LTBP1: variants seen among roughly 807,000 people sequenced by gnomAD.
LTBP1 encodes the protein latent transforming growth factor beta binding protein 1, also known as latent-transforming growth factor beta-binding protein 1.
A neutral mutation model predicts 207.6 loss-of-function variants in LTBP1; 129 were observed. The ratio of observed to expected loss-of-function variants is 0.62; its 90% CI spans 0.54 to 0.72. The LOEUF is 0.72. Among genes scored for constraint, LTBP1 ranks in the 30% least tolerant of loss-of-function variants. The pLI is 0.00. For missense variants in LTBP1, 2,281 were observed against 2,217.2 expected (o/e 1.03, Z -0.58); for synonymous variants, 963 against 833.7 (o/e 1.16, Z -2.67).
chr2:33,359,812 CG>C (rs1428507122), intron 26 of LTBP1, among the ~76,000 whole-genome samples: 5 of 152,152 alleles, frequency 3.3e-5, no homozygotes, highest in Non-Finnish European at 7.3e-5. Flanking sequence ...TCAAAGATTT[CG>C]TATCTGATTG....
chr2:33,324,949 C>T (rs1051724654), intron 24 of LTBP1, among the ~76,000 whole-genome samples: 1 of 152,186 alleles, frequency 6.6e-6, no homozygotes, highest in Non-Finnish European at 1.5e-5. Context: ...TTGTAATCCA[C>T]CCACCTCGGC....
intron 2 of LTBP1, among the ~76,000 whole-genome samples, chr2:33,006,971 C>G (rs1232960377): frequency 6.6e-6 from 1 of 152,234 alleles, no homozygotes; most frequent in Non-Finnish European, 1.5e-5. Context: ...TTTGGCATGT[C>G]AAAGTCTAAT....
chr2:33,321,285 C>A (rs1003992065), intron 24 of LTBP1, among the ~76,000 whole-genome samples: 2 of 152,092 alleles, frequency 1.3e-5, no homozygotes, highest in Non-Finnish European at 2.9e-5. Flanking sequence ...AACCCCATAA[C>A]CTTCTTAGGT....
At chr2:33,208,946 C>G (rs1200554931) in intron 7 of LTBP1, among the ~76,000 whole-genome samples, 1 of 148,212 alleles carries the variant, frequency 6.7e-6, no homozygotes, top group Non-Finnish European at 1.5e-5. Context: ...CGGCTGACTG[C>G]AAGCTCCGCC....
intron 7 of LTBP1, among the ~76,000 whole-genome samples, chr2:33,197,239 T>C (rs2088667813): frequency 6.6e-6 from 1 of 152,248 alleles, no homozygotes; most frequent in Non-Finnish European, 1.5e-5. Flanking sequence ...AGTGGTTTTC[T>C]TGAATATAAA....
At chr2:33,010,693 G>A (rs1175060590) in intron 2 of LTBP1, among the ~76,000 whole-genome samples, 5 of 150,798 alleles carry the variant, frequency 3.3e-5, no homozygotes, top group Non-Finnish European at 7.4e-5. Flanking sequence ...TGTTTTTGAT[G>A]ACTGTATCAC....
chr2:33,063,009 T>C (rs2077340771), intron 3 of LTBP1: 1 of 152,242 alleles, frequency 6.6e-6, no homozygotes, highest in Admixed American at 6.5e-5. Flanking sequence ...GTTATGAGAC[T>C]GAAACCATGG....
chr2:33,125,244 T>C (rs549643321), intron 4 of LTBP1, among the ~76,000 whole-genome samples: 3 of 152,228 alleles, frequency 2.0e-5, no homozygotes, highest in Non-Finnish European at 4.4e-5. Flanking sequence ...GCTTCACTGT[T>C]CCCTAGCAGA....
At chr2:32,987,164 A>C (rs1003481321) in intron 2 of LTBP1, among the ~76,000 whole-genome samples, 2 of 152,114 alleles carry the variant, frequency 1.3e-5, no homozygotes, top group African/African-American at 2.4e-5. Context: ...GCCCCACATC[A>C]CCCATCTTGT....
intron 3 of LTBP1, among the ~76,000 whole-genome samples, chr2:33,073,118 G>T (rs1270860054): frequency 1.3e-5 from 2 of 152,156 alleles, no homozygotes; most frequent in Middle Eastern, 3.2e-3. Context: ...GTAGAAAAAT[G>T]ATGTATAACC....
intron 10 of LTBP1, among the ~76,000 whole-genome samples, chr2:33,251,687 A>C (rs984740559): frequency 7.6e-6 from 1 of 132,042 alleles, no homozygotes; most frequent in Non-Finnish European, 1.5e-5. Context: ...AAAAAAAAAA[A>C]GATGCTAGAG....
intron 2 of LTBP1, among the ~76,000 whole-genome samples, chr2:32,995,722 A>T (rs1295579615): frequency 6.6e-6 from 1 of 152,158 alleles, no homozygotes; most frequent in Non-Finnish European, 1.5e-5. Flanking sequence ...CCAGGAGGCC[A>T]AGCCTGCAGT....
At chr2:33,118,111 A>G (rs950902867) in intron 4 of LTBP1, among the ~76,000 whole-genome samples, 1 of 150,878 alleles carries the variant, frequency 6.6e-6, no homozygotes, top group African/African-American at 2.4e-5. Context: ...AAGTGGGTCC[A>G]TGGGAGAGAA....
intron 4 of LTBP1, among the ~76,000 whole-genome samples, chr2:33,113,811 G>A (rs1267332688): frequency 6.6e-6 from 1 of 152,138 alleles, no homozygotes; most frequent in African/African-American, 2.4e-5. Context: ...ATAGAGATAT[G>A]TATCTCAGTT....
chr2:33,145,144 G>A (rs898188833), intron 5 of LTBP1, among the ~76,000 whole-genome samples: 2 of 152,080 alleles, frequency 1.3e-5, no homozygotes, highest in Non-Finnish European at 2.9e-5. Context: ...TTTAGTTGAA[G>A]GGTATGGGCC....
At chr2:32,996,437 T>G (rs1016443784) in intron 2 of LTBP1, among the ~76,000 whole-genome samples, 1 of 152,148 alleles carries the variant, frequency 6.6e-6, no homozygotes, top group Non-Finnish European at 1.5e-5. Flanking sequence ...TTTCAACATA[T>G]GAATTTTGGG....
intron 5 of LTBP1, among the ~76,000 whole-genome samples, chr2:33,158,395 A>T (rs1482643334): frequency 6.6e-6 from 1 of 152,086 alleles, no homozygotes; most frequent in Admixed American, 6.5e-5. Context: ...TCCCAGACAC[A>T]GAAGGCTACT....
At chr2:33,150,886 C>A (rs1267850854) in intron 5 of LTBP1, among the ~76,000 whole-genome samples, 1 of 151,034 alleles carries the variant, frequency 6.6e-6, no homozygotes, top group African/African-American at 2.4e-5. Context: ...CAGGCGTGCG[C>A]CACCATGCCT....
At chr2:33,260,089 A>G (rs1244813877) in intron 13 of LTBP1, among the ~76,000 whole-genome samples, 1 of 152,216 alleles carries the variant, frequency 6.6e-6, no homozygotes, top group African/African-American at 2.4e-5. Flanking sequence ...CTTAAAAGTT[A>G]CAATCAAATA....
Sources: gnomAD v4.1 joint callset for allele counts (sites outside exome capture counted in the v4.1 genomes callset) on GRCh38, gnomAD v4.1.1 for gene constraint, MANE v1.5 for transcripts, NCBI Gene and HGNC (gene_info 2026-07-23, HGNC 2026-07-21) for gene names.